The following UBE4A variants were observed in gnomAD, a reference collection of about 807,000 sequenced individuals.
The protein encoded by UBE4A is ubiquitin conjugation factor E4 A.
Under a neutral mutation model 117.9 loss-of-function variants are expected in UBE4A, and 48 were observed. The ratio of observed to expected loss-of-function variants is 0.41; its 90% CI spans 0.32 to 0.52. The LOEUF (loss-of-function observed/expected upper bound fraction) is 0.52. Among genes scored for constraint, UBE4A ranks in the 20% least tolerant of loss-of-function variants. The pLI is 0.33. For missense variants in UBE4A, 1,067 were observed against 1,296.3 expected (o/e 0.82, Z 2.72); for synonymous variants, 407 against 450.0 (o/e 0.90, Z 1.21).
At position 118,373,102 on chromosome 11, in the gene UBE4A, T is replaced by C; in HGVS notation, c.738T>C (p.Thr246=). Residue 246 remains threonine (T), a synonymous_variant, in exon 7 of 20, where the codon ACT becomes ACC. Transcript: ENST00000252108. ...AIQGAHFEDV[T]EFLEEVIEAL... Reference sequence around the variant, plus strand: ...TTCTGTTAGATTTTGAAGATGTAACTGAGTTTCTGGAAGAGGTCATTGAAG... The same window carrying C: ...TTCTGTTAGATTTTGAAGATGTAACCGAGTTTCTGGAAGAGGTCATTGAAG... 1.2e-6 allele frequency: 2 copies of C among 1,614,100 alleles called. No homozygotes were observed. The highest frequency in any genetic ancestry group is 1.7e-4 in the Middle Eastern group (1 of 6,056).
intron 10 of UBE4A, chr11:118,379,042 T>C (rs782089988): frequency 3.6e-5 from 7 of 194,766 alleles, no homozygotes; most frequent in Non-Finnish European, 6.5e-5. Flanking sequence ...ACTATCCATA[T>C]AACCCCATCA....
chr11:118,393,861 G>T (rs970575571), intron 19 of UBE4A, among the ~76,000 whole-genome samples: 3 of 152,150 alleles, frequency 2.0e-5, no homozygotes, highest in Non-Finnish European at 4.4e-5. Flanking sequence ...CTCCCAAAGT[G>T]CTGGGATTAT....
intron 5 of UBE4A, 133 bp downstream of exon 5, chr11:118,371,799 C>A: frequency 1.1e-6 from 1 of 949,148 alleles, no homozygotes; most frequent in Non-Finnish European, 1.5e-6. Context: ...ATCAGGGACA[C>A]TAAAGCTTTT....
intron 9 of UBE4A, 74 bp downstream of exon 9, chr11:118,375,303 CT>C (rs2134094363): frequency 1.5e-6 from 2 of 1,332,734 alleles, no homozygotes; most frequent in East Asian, 2.7e-5. Flanking sequence ...CTCCCTTATC[CT>C]TTTTCACAGA....
At chr11:118,390,553 C>T in intron 17 of UBE4A, 104 bp from the exon 18 acceptor site, 1 of 777,804 alleles carries the variant, frequency 1.3e-6, no homozygotes, top group Non-Finnish European at 1.8e-6. Context: ...AAAGAATGTT[C>T]ATGGCTTTTA....
chr11:118,377,230 G>A (rs974475746), intron 10 of UBE4A, among the ~76,000 whole-genome samples: 8 of 152,086 alleles, frequency 5.3e-5, no homozygotes, highest in Non-Finnish European at 7.4e-5. Context: ...TTGTTGAAAT[G>A]GATTTTCGCT....
chr11:118,365,313 T>C, intron 2 of UBE4A, 112 bp downstream of exon 2: 1 of 1,403,940 alleles, frequency 7.1e-7, no homozygotes, highest in Non-Finnish European at 9.3e-7. Flanking sequence ...GGAACAAAAG[T>C]TGGTTTTTGT....
intron 19 of UBE4A, among the ~76,000 whole-genome samples, chr11:118,393,659 G>A (rs1394432678): frequency 1.3e-5 from 2 of 151,854 alleles, no homozygotes; most frequent in African/African-American, 4.8e-5. Flanking sequence ...GCAGTGGCGC[G>A]ATCTCAGCTC....
chr11:118,362,363 A>G (rs3782045), intron 1 of UBE4A, among the ~76,000 whole-genome samples: 27,441 of 152,014 alleles, frequency 0.18, 3,009 homozygotes, highest in East Asian at 0.51. Flanking sequence ...TGACCTCATG[A>G]TCTGCCCGCC....
chr11:118,383,121 T>C (rs1948721289), intron 13 of UBE4A, among the ~76,000 whole-genome samples: 1 of 152,168 alleles, frequency 6.6e-6, no homozygotes, highest in Admixed American at 6.5e-5. Flanking sequence ...AATCTACATA[T>C]TCAACACCCT....
At chr11:118,370,795 A>G (rs1948602603) in intron 4 of UBE4A, among the ~76,000 whole-genome samples, 1 of 152,184 alleles carries the variant, frequency 6.6e-6, no homozygotes, top group Non-Finnish European at 1.5e-5. Context: ...ATGAGGACGC[A>G]TGCAAGGAGG....
In UBE4A at chr11:118,372,624, G is replaced by C. The variant is rs1409446389; in HGVS notation, c.679G>C (p.Glu227Gln). The change falls in exon 6 of 20, where the codon GAG (glutamate) becomes CAG (glutamine). Residue 227 changes from glutamate (E) to glutamine (Q), a missense_variant. Transcript: ENST00000252108. ...GATCTATGTTGACCAAAACATCCAT[G>C]AGCAACTGGTAGATTTGATGTTAGA... ...PEIYVDQNIH[E>Q]QLVDLMLEAI... 6.2e-7 allele frequency: 1 copy of C among 1,614,154 alleles called. No homozygotes were observed. The highest frequency in any genetic ancestry group is 1.3e-5 in the African/African-American group (1 of 75,032).
chr11:118,360,208 A>T (rs1188105579), intron 1 of UBE4A, among the ~76,000 whole-genome samples: 1 of 152,240 alleles, frequency 6.6e-6, no homozygotes, highest in Non-Finnish European at 1.5e-5. Flanking sequence ...CCTTGGGTTT[A>T]GAAGACACTT....
Position 118,397,013 on chromosome 11 carries a change from A to C in UBE4A, c.*573A>C, listed in dbSNP as rs1246446719. ...ACTTCTGAATAAGATGATAGACGAGAATTTTTTTTAAAAAAGGAATTTAAA... is the reference window on the plus strand; with the variant it reads ...ACTTCTGAATAAGATGATAGACGAGCATTTTTTTTAAAAAAGGAATTTAAA... On this transcript the variant is annotated 3_prime_UTR_variant, in exon 20 of 20. Transcript: ENST00000252108. 2 of 152,232 alleles carry C rather than the reference A, an allele frequency of 1.3e-5. No individual in the cohort carries two copies. The highest frequency in any genetic ancestry group is 3.8e-4 in the East Asian group (2 of 5,202). 9.4% of individuals were successfully genotyped at this position (152,232 alleles called of 1,614,324 possible). A position where few individuals can be genotyped will look rare whatever the true frequency, so the allele number is the denominator to read the frequency against.
intron 1 of UBE4A, among the ~76,000 whole-genome samples, chr11:118,363,642 C>T (rs1415034845): frequency 2.2e-5 from 3 of 138,924 alleles, no homozygotes; most frequent in Non-Finnish European, 4.6e-5. Flanking sequence ...GACGAAGTCT[C>T]GCTCTGTCAC....
rs782218722 is a variant in UBE4A at position 118,397,530 on chromosome 11, A to G, written c.*1090A>G. ...TTAACAAAGTAGGAAGTTGAGCACA[A>G]CCTTGTCCACAGCCATTTTAAATAT... On this transcript the variant is annotated 3_prime_UTR_variant, in exon 20 of 20. Coordinates refer to ENST00000252108, the MANE Select transcript of UBE4A (RefSeq NM_001204077.2). 2.0e-5 allele frequency: 3 copies of G among 152,190 alleles called. No homozygotes were observed. The highest frequency in any genetic ancestry group is 4.8e-5 in the African/African-American group (2 of 41,442). 9.4% of individuals were successfully genotyped at this position (152,190 alleles called of 1,614,324 possible).
At position 118,396,536 on chromosome 11, in the gene UBE4A, C is replaced by CTT. The variant is rs1948875487; in HGVS notation, c.*99_*100dup. On this transcript the variant is annotated 3_prime_UTR_variant, in exon 20 of 20. Coordinates refer to ENST00000252108, the MANE Select transcript of UBE4A (RefSeq NM_001204077.2). ...TCTGGTTCTGTTCCTTTTCTTTCTT[C>CTT]TTTTCTTTTTCTTTTTTTTTTTTTT... 1.9e-6 allele frequency: 2 copies of CTT among 1,055,118 alleles called. No homozygotes were observed. The highest frequency in any genetic ancestry group is 3.2e-5 in the Admixed American group (1 of 30,992). 65.4% of individuals were successfully genotyped at this position (1,055,118 alleles called of 1,614,324 possible).
In UBE4A at chr11:118,396,329, C is replaced by G. The variant is rs782251244; in HGVS notation, c.3090C>G (p.Pro1030=). 6.2e-7 allele frequency: 1 copy of G among 1,613,326 alleles called. No individual in the cohort carries two copies. The highest frequency in any genetic ancestry group is 8.5e-7 in the Non-Finnish European group (1 of 1,179,668). Residue 1030 remains proline (P), a synonymous_variant, in exon 20 of 20, where the codon CCC becomes CCG. Coordinates refer to ENST00000252108, the MANE Select transcript of UBE4A (RefSeq NM_001204077.2). ...TTTGTCCCAGTGACCAAACAGATCCCTTTAACCGTAGTCCCCTCACCATGG... is the reference window on the plus strand; with the variant it reads ...TTTGTCCCAGTGACCAAACAGATCCGTTTAACCGTAGTCCCCTCACCATGG... ...ARHLLSDQTD[P]FNRSPLTMDQ... is the part of the protein sequence containing the mutation.
intron 1 of UBE4A, among the ~76,000 whole-genome samples, chr11:118,363,063 G>C (rs1198685649): frequency 6.6e-6 from 1 of 152,152 alleles, no homozygotes; most frequent in African/African-American, 2.4e-5. Flanking sequence ...ATTTTAGGAT[G>C]GAAGTAGAAT....
Sources: gnomAD v4.1 joint callset for allele counts (sites outside exome capture counted in the v4.1 genomes callset) on GRCh38, gnomAD v4.1.1 for gene constraint, MANE v1.5 for transcripts, NCBI Gene and HGNC (gene_info 2026-07-23, HGNC 2026-07-21) for gene names.